Variants in DPP6 observed in about 807,000 individuals in gnomAD.
DPP6 encodes A-type potassium channel modulatory protein DPP6.
DPP6 carries 69 observed loss-of-function variants against 122.6 expected under a neutral mutation model. The observed-to-expected ratio is 0.56, with a 90% CI of 0.46 to 0.69. The LOEUF is 0.69. Ranked by LOEUF, DPP6 falls within the 30% of genes least tolerant of loss-of-function variation. The pLI, the probability that DPP6 is intolerant of heterozygous loss-of-function variation, is 0.00. For synonymous variants in DPP6, 418 were observed against 433.1 expected (o/e 0.97, Z 0.43); for missense variants, 928 against 1,116.9 (o/e 0.83, Z 2.41).
chr7:153,872,466 T>G, the DPP6 span, among the ~76,000 whole-genome samples: 1 of 152,260 alleles, frequency 6.6e-6, no homozygotes. Context: ...TATGTAATTT[T>G]TATTAAATAT....
At chr7:153,808,206 T>TGTGTGCCTGA in the DPP6 span, among the ~76,000 whole-genome samples, 1 of 72,596 alleles carries the variant, frequency 1.4e-5, no homozygotes, top group Non-Finnish European at 3.3e-5. Flanking sequence ...TGTGCCTGAG[T>TGTGTGCCTGA]GTGTGTGCCT....
chr7:154,266,959 C>T (rs551911538), intron 1 of DPP6, among the ~76,000 whole-genome samples: 26 of 152,244 alleles, frequency 1.7e-4, no homozygotes, highest in Admixed American at 4.6e-4. Flanking sequence ...TAAAAATATT[C>T]GCAGTTATCT....
At chr7:154,820,637 A>G (rs897417133) in intron 16 of DPP6, among the ~76,000 whole-genome samples, 1 of 152,222 alleles carries the variant, frequency 6.6e-6, no homozygotes, top group Admixed American at 6.5e-5. Context: ...AAGGCTTCCC[A>G]GAGGACCCAA....
chr7:154,075,894 T>C (rs948244253), intron 1 of DPP6, among the ~76,000 whole-genome samples: 17 of 151,474 alleles, frequency 1.1e-4, no homozygotes, highest in African/African-American at 3.6e-4. Context: ...CACCTCCTTA[T>C]TTTGGCAAAT....
intron 1 of DPP6, among the ~76,000 whole-genome samples, chr7:154,340,216 T>C (rs941185805): frequency 2.6e-5 from 4 of 152,228 alleles, no homozygotes; most frequent in Non-Finnish European, 5.9e-5. Flanking sequence ...TTTTAACTAA[T>C]CTCTTTTATG....
chr7:154,631,062 G>A (rs1835379404), intron 5 of DPP6, among the ~76,000 whole-genome samples: 2 of 152,220 alleles, frequency 1.3e-5, no homozygotes, highest in South Asian at 4.1e-4. Context: ...GAAAGGTCCA[G>A]CCCAAGCTAA....
At chr7:154,096,468 T>G (rs62485658) in intron 1 of DPP6, among the ~76,000 whole-genome samples, 11,644 of 138,466 alleles carry the variant, frequency 0.084, 357 homozygotes, top group Middle Eastern at 0.14. Context: ...GTTAAGCAAG[T>G]CAGTAAAAGG....
intron 3 of DPP6, among the ~76,000 whole-genome samples, chr7:154,498,671 C>T (rs919256880): frequency 7.2e-5 from 11 of 152,068 alleles, no homozygotes; most frequent in Non-Finnish European, 1.6e-4. Flanking sequence ...GTGTCATTGC[C>T]CTCAAATATC....
intron 1 of DPP6, among the ~76,000 whole-genome samples, chr7:154,207,897 G>A (rs965631189): frequency 1.6e-4 from 24 of 151,872 alleles, no homozygotes; most frequent in African/African-American, 5.8e-4. Flanking sequence ...AGAGGTTGCA[G>A]TGGGCCACGA....
At chr7:154,336,580 C>T (rs1051274575) in intron 1 of DPP6, among the ~76,000 whole-genome samples, 1 of 152,288 alleles carries the variant, frequency 6.6e-6, no homozygotes, top group African/African-American at 2.4e-5. Context: ...CACTTCACAC[C>T]TTGGAGTATG....
intron 3 of DPP6, among the ~76,000 whole-genome samples, chr7:154,520,751 T>C (rs1231153658): frequency 1.3e-5 from 2 of 152,164 alleles, no homozygotes; most frequent in Non-Finnish European, 2.9e-5. Context: ...ATCTATTGCA[T>C]CTCCACCAGC....
rs188426667 is a variant in DPP6, at chr7:154,703,733, G to A, written c.763-24034G>A. ...CGGGCAGATCATGAGGTCAGGAATC[G>A]ACACCATCCTGGCTAACACCGTGAA... On this transcript the variant is annotated intron_variant, in intron 7 of 25. Coordinates refer to ENST00000377770, the MANE Select transcript of DPP6 (RefSeq NM_130797.4). Among the ~76,000 whole-genome samples the A allele has an allele frequency of 2.1e-3, 319 of 151,998 alleles. 2 individuals carry two copies. Among genetic ancestry groups the A allele is most frequent in the African/African-American group, 7.3e-3 (302 of 41,462 alleles).
chr7:154,645,576 G>A (rs73491508), intron 6 of DPP6, among the ~76,000 whole-genome samples: 3 of 151,954 alleles, frequency 2.0e-5, no homozygotes, highest in African/African-American at 7.3e-5. Flanking sequence ...CCCAGTCTTC[G>A]TTTCTACTTG....
chr7:153,789,474 G>GT, the DPP6 span, among the ~76,000 whole-genome samples: 2 of 152,148 alleles, frequency 1.3e-5, no homozygotes, highest in African/African-American at 4.8e-5. Context: ...GTAGTCAGAT[G>GT]TTTTTATCTA....
intron 1 of DPP6, among the ~76,000 whole-genome samples, chr7:154,097,690 G>A (rs1452043325): frequency 6.6e-6 from 1 of 152,250 alleles, no homozygotes. Context: ...GGAGCAGACT[G>A]GCTGGTACTC....
At chr7:154,347,285 G>A (rs950750227) in intron 1 of DPP6, among the ~76,000 whole-genome samples, 3 of 152,164 alleles carry the variant, frequency 2.0e-5, no homozygotes, top group African/African-American at 7.2e-5. Context: ...TGTATTAAAT[G>A]GAAAAGATCA....
intron 1 of DPP6, among the ~76,000 whole-genome samples, chr7:154,229,969 TTATA>T (rs1216070924): frequency 6.6e-6 from 1 of 152,210 alleles, no homozygotes; most frequent in Admixed American, 6.5e-5. Flanking sequence ...CAATAGTGGT[TTATA>T]TATATTTTAA....
chr7:154,553,007 C>T (rs1445670158), intron 4 of DPP6, among the ~76,000 whole-genome samples: 1 of 152,214 alleles, frequency 6.6e-6, no homozygotes, highest in Non-Finnish European at 1.5e-5. Context: ...TGTCACCATG[C>T]ATCACAAGAC....
Position 154,403,050 on chromosome 7 carries a change from C to T in DPP6, c.244-43164C>T, listed in dbSNP as rs990951962. Reference sequence around the variant, plus strand: ...AACAGAGATGCTAATAGCTAATTATCAGAGTTATTTATATGACTGTGTCAG... The same window carrying T: ...AACAGAGATGCTAATAGCTAATTATTAGAGTTATTTATATGACTGTGTCAG... On this transcript the variant is annotated intron_variant, in intron 1 of 25. Transcript: ENST00000377770. This position sits in a 1 kb window ranked among gnomAD's most constrained non-coding sequence, Gnocchi z 4.1. 6.6e-6 allele frequency among the ~76,000 whole-genome samples: 1 copy of T among 152,190 alleles called. No homozygotes were observed. The highest frequency in any genetic ancestry group is 2.4e-5 in the African/African-American group (1 of 41,444).
Sources: allele counts gnomAD v4.1 joint callset (sites outside exome capture counted in the v4.1 genomes callset), GRCh38; gene constraint gnomAD v4.1.1; non-coding constraint Gnocchi (gnomAD v3.1); transcripts MANE v1.5; gene names NCBI Gene and HGNC (gene_info 2026-07-23, HGNC 2026-07-21).